Variants in RP1 observed in about 807,000 individuals in gnomAD.
The protein encoded by RP1 is RP1 axonemal microtubule associated, also known as oxygen-regulated protein 1.
Under a neutral mutation model 14.8 loss-of-function variants are expected in RP1, and 16 were observed. That is an observed-to-expected ratio of 1.08 (90% confidence interval 0.73 to 1.65). The LOEUF (loss-of-function observed/expected upper bound fraction) is 1.65, where lower values mean the gene tolerates loss of function less well. Ranked by LOEUF, RP1 falls within the 40% of genes most tolerant of loss-of-function variation. The pLI, the probability that RP1 is intolerant of heterozygous loss-of-function variation, is 0.00. For synonymous variants in RP1, 876 were observed against 883.6 expected, an observed-to-expected ratio of 0.99 and a Z score of 0.15; for missense variants, 2,631 against 2,535.0, an observed-to-expected ratio of 1.04 and a Z score of -0.81.
intron 18 of RP1, among the ~76,000 whole-genome samples, chr8:54,735,031 TTTATAACCGGC>T (rs1808885421): frequency 6.6e-6 from 1 of 152,184 alleles, no homozygotes; most frequent in African/African-American, 2.4e-5. Flanking sequence ...TTCAACTCAA[TTTATAACCGGC>T]TTATAAGCTG....
At chr8:54,673,111 C>T (rs1807214200) in intron 7 of RP1, among the ~76,000 whole-genome samples, 1 of 152,122 alleles carries the variant, frequency 6.6e-6, no homozygotes. Flanking sequence ...AGAAAATAGT[C>T]TTATTATGTG....
intron 25 of RP1, among the ~76,000 whole-genome samples, chr8:54,844,998 C>G (rs146529824): frequency 3.2e-4 from 49 of 152,314 alleles, no homozygotes; most frequent in African/African-American, 1.1e-3. Context: ...CCTCTTCAGT[C>G]ACTCCACAGG....
chr8:54,697,345 G>C (rs1173170203), intron 12 of RP1, among the ~76,000 whole-genome samples: 2 of 152,020 alleles, frequency 1.3e-5, no homozygotes, highest in Non-Finnish European at 2.9e-5. Flanking sequence ...TCCTGAGGTC[G>C]GGAGTTCGAG....
At chr8:54,613,395 C>G (rs73603042), upstream of RP1, among the ~76,000 whole-genome samples, 2,134 of 152,296 alleles carry the variant, frequency 0.014, 53 homozygotes, top group African/African-American at 0.049. Context: ...CAGCATTCTT[C>G]AGGCATATAT....
chr8:54,589,845 G>A (rs942574207), intron 1 of RP1, among the ~76,000 whole-genome samples: 116 of 152,152 alleles, frequency 7.6e-4, no homozygotes, highest in African/African-American at 2.7e-3. Flanking sequence ...CCACTGGAAT[G>A]GACTTAAAAT....
intron 1 of RP1, among the ~76,000 whole-genome samples, chr8:54,578,457 C>A (rs1804709841): frequency 2.6e-5 from 4 of 152,124 alleles, no homozygotes; most frequent in Admixed American, 2.6e-4. Flanking sequence ...ATCCTCCCTC[C>A]TCAGCCTCCC....
rs1260364554 is a variant in RP1, at chr8:54,625,067, G to C, written c.1185G>C (p.Glu395Asp). Residue 395 changes from glutamate to aspartate, a missense_variant, in exon 4 of 4, where the codon GAG becomes GAC. Physicochemically the swap from Glu to Asp is conservative, Grantham distance 45. Coordinates refer to ENST00000220676, the MANE Select transcript of RP1 (RefSeq NM_006269.2). ...TCTCTGCAGATGTGTCACCTATGGA[G>C]CGAAGCAGTAATCAAGAGGGCAGTT... ...CSFSADVSPMERSSNQEGSLA... is the reference protein window; with the variant it reads ...CSFSADVSPMDRSSNQEGSLA... 4 of 1,614,200 alleles carry C rather than the reference G, an allele frequency of 2.5e-6. No individual in the cohort carries two copies. Among genetic ancestry groups the C allele is most frequent in the Non-Finnish European group, 3.4e-6 (4 of 1,180,044 alleles).
chr8:54,588,628 G>A (rs1266176921), intron 1 of RP1, among the ~76,000 whole-genome samples: 2 of 152,204 alleles, frequency 1.3e-5, no homozygotes, highest in Non-Finnish European at 2.9e-5. Flanking sequence ...GCTAGTGTTA[G>A]TAGCCTGAAG....
At chr8:54,847,844 C>G (rs112355688) in intron 25 of RP1, among the ~76,000 whole-genome samples, 1,946 of 152,282 alleles carry the variant, frequency 0.013, 47 homozygotes, top group African/African-American at 0.044. Context: ...GTAGCCCGCA[C>G]TGTTCAGGGC....
Position 54,629,755 on chromosome 8 carries a change from A to C in RP1, c.5873A>C (p.Tyr1958Ser), listed in dbSNP as rs776604527. 1 of 1,610,524 alleles carries C rather than the reference A, an allele frequency of 6.2e-7. No homozygotes were observed. The highest frequency in any genetic ancestry group is 1.1e-5 in the South Asian group (1 of 90,522). The stretch of plus-strand genomic sequence containing the variant: ...TATTTATGGATGAAAATACACCCAT[A>C]TTTACTTCAGACAGACAAAAATGTG... ...GFYLWMKIHP[Y>S]LLQTDKNVFR... is the part of the protein sequence containing the mutation. The change falls in exon 4 of 4, where the codon TAT becomes TCT. Residue 1958 changes from tyrosine (Y) to serine (S), a missense_variant. Physicochemically the swap from Tyr to Ser is moderately radical, Grantham distance 144. Coordinates refer to ENST00000220676, the MANE Select transcript of RP1 (RefSeq NM_006269.2).
intron 24 of RP1, among the ~76,000 whole-genome samples, chr8:54,788,536 A>G (rs1810383808): frequency 6.6e-6 from 1 of 151,920 alleles, no homozygotes; most frequent in Non-Finnish European, 1.5e-5. Context: ...GACTTCATTC[A>G]GAAGTTTAGG....
chr8:54,813,846 A>G lies in RP1; in HGVS notation c.3616-23604A>G, dbSNP rs1373368516. On this transcript the variant is annotated intron_variant, in intron 24 of 28. Coordinates refer to the RP1 transcript ENST00000637698. ...TATGTGGATCAGGTTTATCTCTCAG[A>G]ATAGAATTGTCCAAATGTTTTAGCA... Among the ~76,000 whole-genome samples the G allele has an allele frequency of 5.3e-5, 8 of 152,218 alleles. No homozygotes were observed. The East Asian group carries it at 9.6e-4, about 18-fold the overall frequency.
At chr8:54,615,314 A>G (rs1381057210), upstream of RP1, among the ~76,000 whole-genome samples, 1 of 152,182 alleles carries the variant, frequency 6.6e-6, no homozygotes, top group Non-Finnish European at 1.5e-5. Flanking sequence ...TGTGGCGCAC[A>G]TGCTTGAACC....
intron 12 of RP1, chr8:54,696,570 A>C: frequency 1.4e-6 from 1 of 729,862 alleles, no homozygotes; most frequent in South Asian, 1.5e-5. Flanking sequence ...TTCCTACATG[A>C]CTCCTGGCAG....
chr8:54,801,773 A>G (rs1810713656), intron 24 of RP1, among the ~76,000 whole-genome samples: 1 of 152,126 alleles, frequency 6.6e-6, no homozygotes, highest in Non-Finnish European at 1.5e-5. Context: ...TGTACAGGAC[A>G]TCTGTAGGCA....
chr8:54,626,938 C>T lies in RP1; in HGVS notation c.3056C>T (p.Pro1019Leu), dbSNP rs751854236. 1 of 1,613,844 alleles carries T rather than the reference C, an allele frequency of 6.2e-7. No individual in the cohort carries two copies. Among genetic ancestry groups the T allele is most frequent in the East Asian group, 2.2e-5 (1 of 44,854 alleles). The change falls in exon 4 of 4, where the codon CCC becomes CTC. Residue 1019 changes from proline (P) to leucine (L), a missense_variant. Physicochemically the swap from Pro to Leu is moderately conservative, Grantham distance 98 (BLOSUM62 -3). Coordinates refer to ENST00000220676, the MANE Select transcript of RP1 (RefSeq NM_006269.2). ...TCTCTGAATGATGCTTATTTGGTTC[C>T]CCTGCATGAACACTGTACTTTGTCA... ...VGSLNDAYLVPLHEHCTLSQS... is the reference protein window; with the variant it reads ...VGSLNDAYLVLLHEHCTLSQS...
chr8:54,730,082 G>A (rs956696437), intron 17 of RP1, among the ~76,000 whole-genome samples: 6 of 151,978 alleles, frequency 3.9e-5, no homozygotes, highest in Non-Finnish European at 5.9e-5. Flanking sequence ...CACATCATAA[G>A]CAACATAGAG....
chr8:54,626,890 A>T lies in RP1; in HGVS notation c.3008A>T (p.Asp1003Val). 6.2e-7 allele frequency: 1 copy of T among 1,613,860 alleles called. No homozygotes were observed. ...ATTGCCAATGACACTGGTGAAGAAGATCTCCATGAGACACAGGTTGGATCT... is the reference window on the plus strand; with the variant it reads ...ATTGCCAATGACACTGGTGAAGAAGTTCTCCATGAGACACAGGTTGGATCT... ...SFIANDTGEE[D>V]LHETQVGSLN... The change falls in exon 4 of 4, where the codon GAT becomes GTT. Residue 1003 changes from aspartate to valine, a missense_variant. Physicochemically the swap from Asp to Val is radical, Grantham distance 152 (BLOSUM62 -3). Transcript: ENST00000220676.
chr8:54,698,166 A>G (rs886846513), intron 12 of RP1, among the ~76,000 whole-genome samples: 4 of 152,234 alleles, frequency 2.6e-5, no homozygotes, highest in Non-Finnish European at 5.9e-5. Context: ...AATATCCAGA[A>G]TCTACAAAGA....
Sources: allele counts gnomAD v4.1 joint callset (sites outside exome capture counted in the v4.1 genomes callset), GRCh38; gene constraint gnomAD v4.1.1; transcripts MANE v1.5; gene names NCBI Gene and HGNC (gene_info 2026-07-23, HGNC 2026-07-21).